The following SUGCT variants were observed in gnomAD, a reference collection of about 807,000 sequenced individuals.
SUGCT encodes succinyl-CoA:glutarate CoA-transferase.
Under a neutral mutation model 55.0 loss-of-function variants are expected in SUGCT, and 41 were observed. The observed-to-expected ratio is 0.74, with a 90% CI of 0.58 to 0.97. The LOEUF (loss-of-function observed/expected upper bound fraction) is 0.97. Ranked by LOEUF, SUGCT falls within the 50% of genes least tolerant of loss-of-function variation. The pLI is 0.00. For synonymous variants in SUGCT, 187 were observed against 200.4 expected, an observed-to-expected ratio of 0.93 and a Z score of 0.56; for missense variants, 568 against 547.8, an observed-to-expected ratio of 1.04 and a Z score of -0.37.
At chr7:40,907,552 G>A in the SUGCT span, among the ~76,000 whole-genome samples, 513 of 152,164 alleles carry the variant, frequency 3.4e-3, no homozygotes, top group Non-Finnish European at 6.1e-3. Flanking sequence ...CTCATCTAAC[G>A]CTCACAAAAG....
At chr7:40,876,893 G>A in the SUGCT span, among the ~76,000 whole-genome samples, 1 of 152,156 alleles carries the variant, frequency 6.6e-6, no homozygotes, top group Non-Finnish European at 1.5e-5. Flanking sequence ...GCAGCCTGGA[G>A]CCATTCCAGG....
chr7:40,729,477 G>C (rs1786782615), intron 12 of SUGCT, among the ~76,000 whole-genome samples: 1 of 152,192 alleles, frequency 6.6e-6, no homozygotes, highest in East Asian at 1.9e-4. Context: ...CAGGACACAT[G>C]TTTGCAAAGA....
chr7:40,758,145 T>C (rs1166744356), intron 13 of SUGCT, among the ~76,000 whole-genome samples: 1 of 151,738 alleles, frequency 6.6e-6, no homozygotes, highest in Non-Finnish European at 1.5e-5. Context: ...CTTGGCTTTA[T>C]GGTTGGGTTT....
chr7:40,532,327 T>C (rs1794143158), intron 12 of SUGCT, among the ~76,000 whole-genome samples: 1 of 152,070 alleles, frequency 6.6e-6, no homozygotes, highest in Non-Finnish European at 1.5e-5. Context: ...AGGAAGAAAA[T>C]AGTCATTCTT....
chr7:40,238,766 A>G (rs543790142), intron 7 of SUGCT, among the ~76,000 whole-genome samples: 1 of 150,234 alleles, frequency 6.7e-6, no homozygotes, highest in Non-Finnish European at 1.5e-5. Flanking sequence ...AAGTTATTGT[A>G]CTTTCATCTT....
chr7:40,507,947 A>G (rs572096107), intron 12 of SUGCT, among the ~76,000 whole-genome samples: 1 of 152,202 alleles, frequency 6.6e-6, no homozygotes, highest in South Asian at 2.1e-4. Flanking sequence ...TGAAGCTAAC[A>G]TCTTTCTCTT....
intron 13 of SUGCT, among the ~76,000 whole-genome samples, chr7:40,762,242 G>T (rs1788569910): frequency 6.6e-6 from 1 of 152,216 alleles, no homozygotes; most frequent in Non-Finnish European, 1.5e-5. Context: ...CCTCAGTAAA[G>T]CTGCATGAGG....
intron 13 of SUGCT, among the ~76,000 whole-genome samples, chr7:40,824,252 G>C (rs1792188806): frequency 6.6e-6 from 1 of 151,816 alleles, no homozygotes; most frequent in East Asian, 1.9e-4. Flanking sequence ...AAAGAAATTT[G>C]TCTATAGCAG....
At chr7:40,945,256 G>A in the SUGCT span, among the ~76,000 whole-genome samples, 1 of 152,230 alleles carries the variant, frequency 6.6e-6, no homozygotes. Context: ...CCACTGCCAA[G>A]CCAGCAGAAA....
At chr7:40,949,848 G>T in the SUGCT span, among the ~76,000 whole-genome samples, 2 of 152,120 alleles carry the variant, frequency 1.3e-5, no homozygotes, top group Non-Finnish European at 2.9e-5. Flanking sequence ...TGCTGTTTTG[G>T]TTACTGTAGC....
At chr7:40,946,025 G>A in the SUGCT span, among the ~76,000 whole-genome samples, 1 of 152,082 alleles carries the variant, frequency 6.6e-6, no homozygotes, top group African/African-American at 2.4e-5. Flanking sequence ...GCCAGCTGTA[G>A]TAGTGATTCA....
At chr7:40,742,469 C>T (rs1380189954) in intron 12 of SUGCT, among the ~76,000 whole-genome samples, 4 of 152,018 alleles carry the variant, frequency 2.6e-5, no homozygotes, top group East Asian at 1.9e-4. Context: ...TCATAAACAG[C>T]GTCCAACCGA....
intron 12 of SUGCT, among the ~76,000 whole-genome samples, chr7:40,656,906 A>T (rs1801042439): frequency 6.6e-6 from 1 of 152,214 alleles, no homozygotes; most frequent in South Asian, 2.1e-4. Context: ...TTTAGTTCAC[A>T]CATCATTAGA....
chr7:40,870,556 A>G, the SUGCT span, among the ~76,000 whole-genome samples: 1 of 152,220 alleles, frequency 6.6e-6, no homozygotes, highest in Non-Finnish European at 1.5e-5. Flanking sequence ...ACATTTACAG[A>G]TTTCAGGGAT....
chr7:40,349,766 G>A (rs867696775), intron 9 of SUGCT, among the ~76,000 whole-genome samples: 3 of 151,940 alleles, frequency 2.0e-5, no homozygotes, highest in East Asian at 1.9e-4. Flanking sequence ...TCTATCTCTC[G>A]GGCTTAAGTG....
rs112305401 is a variant in SUGCT at position 40,146,612 on chromosome 7, G to C, written c.100+11492G>C. 6.5e-3 allele frequency among the ~76,000 whole-genome samples: 986 copies of C among 152,346 alleles called. 9 individuals carry two copies. The highest frequency in any genetic ancestry group is 0.022 in the African/African-American group (921 of 41,572). On this transcript the variant is annotated intron_variant, in intron 1 of 13. Transcript: ENST00000335693. ...TCTGCAGCATGAACATGTCCTTAAG[G>C]CACAGATCGCTCATGCTATTGTTTG...
At chr7:40,713,423 C>T (rs758962389) in intron 12 of SUGCT, among the ~76,000 whole-genome samples, 3 of 152,318 alleles carry the variant, frequency 2.0e-5, no homozygotes, top group Non-Finnish European at 4.4e-5. Context: ...CTGCAGGCCT[C>T]TTTGATTAAG....
chr7:40,601,385 C>T (rs1159113647), intron 12 of SUGCT, among the ~76,000 whole-genome samples: 2 of 152,206 alleles, frequency 1.3e-5, no homozygotes. Flanking sequence ...CCGTCAAGAA[C>T]ACATGTCCTT....
At chr7:40,485,675 C>G (rs1791299463) in intron 11 of SUGCT, among the ~76,000 whole-genome samples, 1 of 151,984 alleles carries the variant, frequency 6.6e-6, no homozygotes, top group Non-Finnish European at 1.5e-5. Context: ...CCTTGGCCTC[C>G]CAAAGTGCCA....
Sources: gnomAD v4.1 joint callset for allele counts (sites outside exome capture counted in the v4.1 genomes callset) on GRCh38, gnomAD v4.1.1 for gene constraint, MANE v1.5 for transcripts, NCBI Gene and HGNC (gene_info 2026-07-23, HGNC 2026-07-21) for gene names.